Variants in ZNF385D observed in about 807,000 individuals in gnomAD.
The protein encoded by ZNF385D is zinc finger protein 385D.
Under a neutral mutation model 35.8 loss-of-function variants are expected in ZNF385D, and 15 were observed. That is an observed-to-expected ratio of 0.42 (90% CI 0.28 to 0.64). The LOEUF (loss-of-function observed/expected upper bound fraction) is 0.64. Ranked by LOEUF, ZNF385D falls within the 30% of genes least tolerant of loss-of-function variation. The pLI, the probability that ZNF385D is intolerant of heterozygous loss-of-function variation, is 0.23. For missense variants in ZNF385D, 474 were observed against 494.6 expected (o/e 0.96, Z 0.39); for synonymous variants, 212 against 186.8 (o/e 1.13, Z -1.10).
At chr3:21,842,339 GA>G (rs1387008978) in intron 3 of ZNF385D, among the ~76,000 whole-genome samples, 10 of 151,956 alleles carry the variant, frequency 6.6e-5, no homozygotes, top group African/African-American at 2.4e-4. Context: ...AGCAAGATGG[GA>G]AGGGAAGGAG....
At chr3:22,183,008 T>C (rs1695387339) in intron 2 of ZNF385D, among the ~76,000 whole-genome samples, 1 of 152,068 alleles carries the variant, frequency 6.6e-6, no homozygotes, top group African/African-American at 2.4e-5. Flanking sequence ...AAAATTAAAT[T>C]GTAAAAAACT....
intron 2 of ZNF385D, among the ~76,000 whole-genome samples, chr3:22,223,013 G>C (rs1349788507): frequency 2.0e-5 from 3 of 151,980 alleles, no homozygotes; most frequent in Non-Finnish European, 4.4e-5. Flanking sequence ...TTCCAAACTG[G>C]GTTCAGCTAT....
chr3:22,083,021 G>C (rs964798160), intron 3 of ZNF385D, among the ~76,000 whole-genome samples: 2 of 152,158 alleles, frequency 1.3e-5, no homozygotes, highest in African/African-American at 4.8e-5. Flanking sequence ...AAACAGAAAG[G>C]AATAGCATCA....
intron 3 of ZNF385D, among the ~76,000 whole-genome samples, chr3:21,885,087 C>A (rs528989091): frequency 9.9e-5 from 15 of 152,070 alleles, no homozygotes; most frequent in African/African-American, 3.6e-4. Flanking sequence ...AACTTACCAA[C>A]TTCTTCTCTA....
chr3:22,105,670 T>C (rs76560141), intron 3 of ZNF385D, among the ~76,000 whole-genome samples: 16,690 of 152,096 alleles, frequency 0.11, 1,116 homozygotes, highest in Admixed American at 0.19. Flanking sequence ...GCCCAACCAG[T>C]AAGGCAGAGA....
chr3:21,737,478 C>A (rs1394613726), intron 1 of ZNF385D, among the ~76,000 whole-genome samples: 8 of 151,930 alleles, frequency 5.3e-5, no homozygotes, highest in Non-Finnish European at 7.4e-5. Flanking sequence ...CACACACACA[C>A]ACACACACAC....
At chr3:21,571,860 T>C (rs1314075036) in intron 2 of ZNF385D, among the ~76,000 whole-genome samples, 2 of 152,226 alleles carry the variant, frequency 1.3e-5, no homozygotes, top group African/African-American at 2.4e-5. Context: ...AGGAGGATAC[T>C]GAATCAGAGC....
At chr3:21,648,755 T>C (rs1382759362) in intron 2 of ZNF385D, among the ~76,000 whole-genome samples, 1 of 152,134 alleles carries the variant, frequency 6.6e-6, no homozygotes, top group African/African-American at 2.4e-5. Context: ...AGAGCAATCA[T>C]CATTGCCACC....
intron 2 of ZNF385D, among the ~76,000 whole-genome samples, chr3:22,250,824 T>A (rs373962108): frequency 5.3e-5 from 8 of 152,016 alleles, no homozygotes; most frequent in Non-Finnish European, 8.8e-5. Context: ...AATCTGTGGG[T>A]ACCTCAGTGG....
intron 3 of ZNF385D, among the ~76,000 whole-genome samples, chr3:22,098,171 T>G (rs961820487): frequency 6.6e-6 from 1 of 152,058 alleles, no homozygotes; most frequent in Admixed American, 6.6e-5. Context: ...CAAGATAGAT[T>G]TAATCTATTA....
intron 3 of ZNF385D, among the ~76,000 whole-genome samples, chr3:22,107,908 T>C (rs1262120233): frequency 1.3e-5 from 2 of 152,060 alleles, no homozygotes; most frequent in East Asian, 3.9e-4. Context: ...GTGCCCATAA[T>C]AGGTGATTAG....
intron 3 of ZNF385D, among the ~76,000 whole-genome samples, chr3:21,892,988 A>G (rs2125884997): frequency 6.6e-6 from 1 of 152,286 alleles, no homozygotes; most frequent in African/African-American, 2.4e-5. Context: ...GTAAAGTGTG[A>G]TTTTTACAAT....
chr3:21,636,982 A>G (rs1419801715), intron 2 of ZNF385D, among the ~76,000 whole-genome samples: 2 of 151,606 alleles, frequency 1.3e-5, no homozygotes, highest in East Asian at 1.9e-4. Context: ...TGAGTTTCTT[A>G]TAGATTCTGG....
intron 3 of ZNF385D, among the ~76,000 whole-genome samples, chr3:21,773,580 A>G (rs2071165653): frequency 6.6e-6 from 1 of 151,982 alleles, no homozygotes; most frequent in African/African-American, 2.4e-5. Context: ...CAAGAAAAAA[A>G]ACAAACAATC....
intron 3 of ZNF385D, among the ~76,000 whole-genome samples, chr3:21,917,992 C>T (rs1657031422): frequency 6.6e-6 from 1 of 152,152 alleles, no homozygotes; most frequent in Non-Finnish European, 1.5e-5. Flanking sequence ...TATCAAGTTA[C>T]ATGAGAGCTA....
chr3:21,514,935 A>G (rs1158920725), intron 3 of ZNF385D, among the ~76,000 whole-genome samples: 1 of 152,128 alleles, frequency 6.6e-6, no homozygotes, highest in Non-Finnish European at 1.5e-5. Flanking sequence ...TAAATCTAAT[A>G]AGTGTCATCC....
intron 3 of ZNF385D, among the ~76,000 whole-genome samples, chr3:21,995,013 T>C (rs1366374094): frequency 2.6e-5 from 4 of 152,228 alleles, no homozygotes; most frequent in Non-Finnish European, 4.4e-5. Context: ...AGGCCAATCC[T>C]CTTGCCTCCA....
intron 2 of ZNF385D, among the ~76,000 whole-genome samples, chr3:22,311,737 C>T (rs1213837216): frequency 1.3e-5 from 2 of 152,018 alleles, no homozygotes; most frequent in African/African-American, 4.8e-5. Flanking sequence ...ATGCTTTGCT[C>T]TCCTATTACG....
chr3:22,162,035 A>T (rs1039727513), intron 3 of ZNF385D, among the ~76,000 whole-genome samples: 27 of 152,298 alleles, frequency 1.8e-4, no homozygotes, highest in Admixed American at 1.6e-3. Context: ...ATTGGGATTC[A>T]ACAAATGATG....
Sources: gnomAD v4.1 joint callset for allele counts (sites outside exome capture counted in the v4.1 genomes callset) on GRCh38, gnomAD v4.1.1 for gene constraint, MANE v1.5 for transcripts, NCBI Gene and HGNC (gene_info 2026-07-23, HGNC 2026-07-21) for gene names.